FANCI: variants seen among roughly 807,000 people sequenced by gnomAD.
FANCI encodes the protein Fanconi anemia group I protein.
A neutral mutation model predicts 176.1 loss-of-function variants in FANCI; 156 were observed. That is an observed-to-expected ratio of 0.89 (90% CI 0.78 to 1.01). The LOEUF (loss-of-function observed/expected upper bound fraction) is 1.01, where lower values mean the gene tolerates loss of function less well. Ranked by LOEUF, FANCI falls within the 50% of genes least tolerant of loss-of-function variation. The pLI, the probability that FANCI is intolerant of heterozygous loss-of-function variation, is 0.00. For synonymous variants in FANCI, 613 were observed against 541.7 expected, an observed-to-expected ratio of 1.13 and a Z score of -1.83; for missense variants, 1,678 against 1,534.1, an observed-to-expected ratio of 1.09 and a Z score of -1.57.
rs1363536852 is a variant in FANCI, at chr15:89,293,889, A to G, written c.2348A>G (p.Asp783Gly). The G allele has an allele frequency of 1.9e-6, 3 of 1,614,154 alleles. No individual in the cohort carries two copies. The highest frequency in any genetic ancestry group is 2.5e-6 in the Non-Finnish European group (3 of 1,180,006). ...SLFMCYKKLSDILNEKAGKAK... is the reference protein window; with the variant it reads ...SLFMCYKKLSGILNEKAGKAK... ...TTTATGTGTTACAAAAAACTCTCTGACATTCTTAATGAAAAAGCGGGTAAA... is the reference window on the plus strand; with the variant it reads ...TTTATGTGTTACAAAAAACTCTCTGGCATTCTTAATGAAAAAGCGGGTAAA... Residue 783 changes from aspartate (D) to glycine (G), a missense_variant, in exon 23 of 38, where the codon GAC becomes GGC. Asp to Gly is a moderately conservative substitution (Grantham distance 94). Coordinates refer to ENST00000310775, the MANE Select transcript of FANCI (RefSeq NM_001113378.2).
chr15:89,254,319 A>G (rs2052402215), intron 2 of FANCI, among the ~76,000 whole-genome samples: 1 of 152,188 alleles, frequency 6.6e-6, no homozygotes, highest in Non-Finnish European at 1.5e-5. Flanking sequence ...AGAGAAACGG[A>G]TAAGTTTATG....
intron 10 of FANCI, among the ~76,000 whole-genome samples, chr15:89,270,002 G>A (rs1019290744): frequency 3.9e-5 from 6 of 152,190 alleles, no homozygotes; most frequent in African/African-American, 1.2e-4. Context: ...ATAGAGGTGG[G>A]GTTTCGCCAT....
chr15:89,274,070 TATA>T lies in FANCI; in HGVS notation c.976-94_976-92del, dbSNP rs1249392483. On this transcript the variant is annotated intron_variant, in intron 11 of 37. Coordinates refer to ENST00000310775, the MANE Select transcript of FANCI (RefSeq NM_001113378.2). ...AGGTTAAGATTTATAGCATGAGCTATATAATATTTGCTTTATTTTCTTATTTCT... is the reference window on the plus strand; with the variant it reads ...AGGTTAAGATTTATAGCATGAGCTATATATTTGCTTTATTTTCTTATTTCT... The T allele has an allele frequency of 2.3e-5, 21 of 921,742 alleles. No individual in the cohort carries two copies. The African/African-American group carries it at 2.5e-4, about 11-fold the overall frequency. 57.1% of individuals were successfully genotyped at this position (921,742 alleles called of 1,614,324 possible).
At chr15:89,262,600 TTATC>T (rs1433336415) in intron 6 of FANCI, among the ~76,000 whole-genome samples, 1 of 152,216 alleles carries the variant, frequency 6.6e-6, no homozygotes, top group Non-Finnish European at 1.5e-5. Flanking sequence ...ATACCCAAGA[TTATC>T]TAAACCAGAG....
chr15:89,250,270 A>G (rs1002981080), intron 2 of FANCI, among the ~76,000 whole-genome samples: 10 of 152,252 alleles, frequency 6.6e-5, no homozygotes, highest in African/African-American at 2.4e-4. Flanking sequence ...CACTATTCAC[A>G]ATAGCAAAGA....
intron 17 of FANCI, among the ~76,000 whole-genome samples, chr15:89,284,080 A>G (rs1180709101): frequency 6.6e-6 from 1 of 152,078 alleles, no homozygotes; most frequent in Non-Finnish European, 1.5e-5. Context: ...TTTCTTTTGG[A>G]TAGCACGGTG....
At chr15:89,293,520 C>G (rs1014095322) in intron 22 of FANCI, among the ~76,000 whole-genome samples, 1 of 152,166 alleles carries the variant, frequency 6.6e-6, no homozygotes, top group Non-Finnish European at 1.5e-5. Flanking sequence ...AACCCCATCT[C>G]TACTAATAAT....
At chr15:89,284,998 GAAGCT>G in intron 17 of FANCI, 93 bp from the exon 18 acceptor site, 1 of 1,488,972 alleles carries the variant, frequency 6.7e-7, no homozygotes, top group Non-Finnish European at 9.3e-7. Flanking sequence ...GCATGTGGAG[GAAGCT>G]AAGTTTTTTC....
intron 4 of FANCI, among the ~76,000 whole-genome samples, chr15:89,261,312 A>T (rs960574720): frequency 9.2e-5 from 14 of 152,120 alleles, no homozygotes; most frequent in African/African-American, 3.4e-4. Context: ...ACTTAGGTGT[A>T]TATATTACAT....
chr15:89,313,204 G>T (rs1177697362), intron 35 of FANCI, among the ~76,000 whole-genome samples: 1 of 151,948 alleles, frequency 6.6e-6, no homozygotes, highest in African/African-American at 2.4e-5. Flanking sequence ...TCTTTTGGGG[G>T]TGATGAAAAT....
intron 3 of FANCI, among the ~76,000 whole-genome samples, chr15:89,259,638 TG>T (rs2052634065): frequency 6.6e-6 from 1 of 152,208 alleles, no homozygotes; most frequent in Non-Finnish European, 1.5e-5. Flanking sequence ...ATCTCTTAGA[TG>T]TCACCTCTCC....
At chr15:89,307,384 A>G (rs1292234554) in intron 32 of FANCI, 92 bp from the exon 33 acceptor site, 1 of 1,270,444 alleles carries the variant, frequency 7.9e-7, no homozygotes, top group African/African-American at 1.5e-5. Flanking sequence ...CTCTTCAGTC[A>G]GAATGATGAG....
intron 24 of FANCI, among the ~76,000 whole-genome samples, chr15:89,295,783 T>G (rs1214010504): frequency 6.8e-6 from 1 of 147,216 alleles, no homozygotes; most frequent in Non-Finnish European, 1.5e-5. Flanking sequence ...GCTTTTTTTT[T>G]GGCTTTTTTT....
intron 3 of FANCI, chr15:89,259,368 C>T (rs2052625126): frequency 6.5e-6 from 1 of 153,822 alleles, no homozygotes; most frequent in African/African-American, 2.4e-5. Flanking sequence ...AATTAGATCT[C>T]TGCTGCAAGG....
chr15:89,313,805 T>G (rs755132887), intron 35 of FANCI, among the ~76,000 whole-genome samples: 36 of 151,902 alleles, frequency 2.4e-4, no homozygotes, highest in Non-Finnish European at 5.0e-4. Flanking sequence ...ACTGGAGAGA[T>G]ATGAAAAAAA....
chr15:89,273,310 TAA>T (rs59945953), intron 10 of FANCI, 65 bp from the exon 11 acceptor site: 16,775 of 585,684 alleles, frequency 0.029, 1 homozygote, highest in Non-Finnish European at 0.032. Context: ...TTTTTTTTTT[TAA>T]AAAAAAAAAA....
At chr15:89,301,247 GTC>G in intron 26 of FANCI, 77 bp from the exon 27 acceptor site, 1 of 907,018 alleles carries the variant, frequency 1.1e-6, no homozygotes, top group South Asian at 1.3e-5. Context: ...AGTCTTAGGA[GTC>G]TCTGACTAGA....
chr15:89,303,279 G>T (rs117387025), intron 27 of FANCI, among the ~76,000 whole-genome samples: 3,184 of 152,310 alleles, frequency 0.021, 58 homozygotes, highest in South Asian at 0.04. Flanking sequence ...TGCCTTTGTA[G>T]CTGAAAGAAC....
rs145165730 is a variant in FANCI, at chr15:89,258,783, A to G, written c.157+7A>G. ...CTGAGAGCCATCTTCAAAGGTAATA[A>G]TAATTAATGTCACTTCTGTCTGTCT... is the stretch of plus-strand genomic sequence containing the variant. On this transcript the variant is annotated splice_region_variant and intron_variant, in intron 3 of 37. Transcript: ENST00000310775. The G allele has an allele frequency of 7.5e-5, 120 of 1,594,048 alleles. No individual in the cohort carries two copies. The East Asian group carries it at 2.7e-3, about 36-fold the overall frequency.
Sources: gnomAD v4.1 joint callset for allele counts (sites outside exome capture counted in the v4.1 genomes callset) on GRCh38, gnomAD v4.1.1 for gene constraint, MANE v1.5 for transcripts, NCBI Gene and HGNC (gene_info 2026-07-23, HGNC 2026-07-21) for gene names.